Variants in RPS6KA1 observed in about 807,000 individuals in gnomAD.
RPS6KA1 encodes ribosomal protein S6 kinase alpha-1.
A neutral mutation model predicts 91.3 loss-of-function variants in RPS6KA1; 48 were observed. The ratio of observed to expected loss-of-function variants is 0.53; its 90% CI spans 0.42 to 0.67. The LOEUF is 0.67. Ranked by LOEUF, RPS6KA1 falls within the 30% of genes least tolerant of loss-of-function variation. The pLI is 0.00. For synonymous variants in RPS6KA1, 359 were observed against 384.7 expected, an observed-to-expected ratio of 0.93 and a Z score of 0.78; for missense variants, 719 against 960.5, an observed-to-expected ratio of 0.75 and a Z score of 3.32.
Position 26,555,512 on chromosome 1 carries a change from T to C in RPS6KA1, c.828-25T>C. 6.4e-7 allele frequency: 1 copy of C among 1,564,178 alleles called. No individual in the cohort carries two copies. Among genetic ancestry groups the C allele is most frequent in the Non-Finnish European group, 8.7e-7 (1 of 1,152,868 alleles). On this transcript the variant is annotated intron_variant, in intron 10 of 21. Coordinates refer to ENST00000374168, the MANE Select transcript of RPS6KA1 (RefSeq NM_002953.4). The surrounding 1 kb of genome is among the most constrained non-coding windows in gnomAD (Gnocchi z 4.3). ...GGGCCTCTGGGGCAGGGCTCAGCCT[T>C]GATGAGTCCCGGGGGCTGTTTCAGG...
At chr1:26,541,079 C>T (rs181213836) in intron 2 of RPS6KA1, among the ~76,000 whole-genome samples, 121 of 151,994 alleles carry the variant, frequency 8.0e-4, no homozygotes, top group African/African-American at 2.1e-3. Context: ...CATGAGCCAC[C>T]GCGCCCGGCC....
intron 1 of RPS6KA1, among the ~76,000 whole-genome samples, chr1:26,536,624 G>A (rs1279876691): frequency 1.3e-5 from 2 of 152,236 alleles, no homozygotes; most frequent in African/African-American, 4.8e-5. Context: ...CTCCCTGGGA[G>A]GAGGTGACAT....
chr1:26,542,984 G>A (rs1469395343), intron 2 of RPS6KA1: 25 of 626,090 alleles, frequency 4.0e-5, no homozygotes, highest in Admixed American at 3.3e-4. Context: ...ATGGGCTTGG[G>A]GTCTGCAGTG....
chr1:26,548,361 G>C (rs1440349741), intron 4 of RPS6KA1, among the ~76,000 whole-genome samples: 2 of 152,122 alleles, frequency 1.3e-5, no homozygotes, highest in African/African-American at 2.4e-5. Flanking sequence ...TCTTGTAGAG[G>C]GTGGGCCCAG....
Position 26,547,114 on chromosome 1 carries a change from C to T in RPS6KA1, c.226-75C>T. On this transcript the variant is annotated intron_variant, in intron 3 of 21. Transcript: ENST00000374168. The surrounding 1 kb of genome is among the most constrained non-coding windows in gnomAD (Gnocchi z 4.1). ...GGAGAGCAAAAAGGTCAGCTTGGGG[C>T]TCAGAGAAGATAGAGGTCAGCCTGG... 2.6e-6 allele frequency: 4 copies of T among 1,564,756 alleles called. No homozygotes were observed. The highest frequency in any genetic ancestry group is 3.5e-6 in the Non-Finnish European group (4 of 1,136,200).
At chr1:26,572,501 C>G (rs2076258008) in intron 20 of RPS6KA1, among the ~76,000 whole-genome samples, 1 of 152,016 alleles carries the variant, frequency 6.6e-6, no homozygotes, top group Non-Finnish European at 1.5e-5. Context: ...ATTCATTGGC[C>G]CTTCTCATTC....
At chr1:26,567,003 G>C (rs2076208426) in intron 17 of RPS6KA1, among the ~76,000 whole-genome samples, 5 of 150,248 alleles carry the variant, frequency 3.3e-5, no homozygotes, top group African/African-American at 7.4e-5. Flanking sequence ...GCGGGGTTCT[G>C]TGCACTTTAC....
chr1:26,567,196 A>AT (rs571284476), intron 17 of RPS6KA1, among the ~76,000 whole-genome samples: 2,422 of 148,844 alleles, frequency 0.016, 28 homozygotes, highest in Non-Finnish European at 0.023. Context: ...TAATTTTAAA[A>AT]TTTTTTTTTT....
At chr1:26,530,211 G>T (rs2075858329) in intron 1 of RPS6KA1, among the ~76,000 whole-genome samples, 1 of 152,226 alleles carries the variant, frequency 6.6e-6, no homozygotes, top group Admixed American at 6.5e-5. Context: ...CAGGAGAGGG[G>T]ATCCTATGGG....
chr1:26,560,868 C>A lies in RPS6KA1; in HGVS notation c.1341+17C>A, dbSNP rs768321789. ...GCTGTCAAGGTGGGCCTCCTGACCA[C>A]GTCTCGGCCAAGGCTGCTGGGTTGG... is the stretch of plus-strand genomic sequence containing the variant. On this transcript the variant is annotated intron_variant, in intron 15 of 21. Coordinates refer to ENST00000374168, the MANE Select transcript of RPS6KA1 (RefSeq NM_002953.4). 23 of 1,614,010 alleles carry A rather than the reference C, an allele frequency of 1.4e-5. No individual in the cohort carries two copies. In the Admixed American group the frequency reaches 2.5e-4, roughly 18 times the overall value.
In RPS6KA1 at chr1:26,561,365, TG is replaced by T; in HGVS notation, c.1432-136del. On this transcript the variant is annotated intron_variant, in intron 16 of 21. Coordinates refer to ENST00000374168, the MANE Select transcript of RPS6KA1 (RefSeq NM_002953.4). This position sits in a 1 kb window ranked among gnomAD's most constrained non-coding sequence, Gnocchi z 5.7. ...GAGACCAGTGTCAGCATCCTCCTTT[TG>T]GGGAAGGCAGGACCACTGAAGAGCA... 1.8e-6 allele frequency: 2 copies of T among 1,122,914 alleles called. No homozygotes were observed. The highest frequency in any genetic ancestry group is 2.6e-6 in the Non-Finnish European group (2 of 767,534). The allele number at this position is 1,122,914 out of a possible 1,614,324, so 69.6% of individuals were successfully genotyped here. A position where few individuals can be genotyped will look rare whatever the true frequency, so the allele number is the denominator to read the frequency against.
At chr1:26,567,100 T>G (rs1327703598) in intron 17 of RPS6KA1, among the ~76,000 whole-genome samples, 1 of 151,954 alleles carries the variant, frequency 6.6e-6, no homozygotes, top group Non-Finnish European at 1.5e-5. Context: ...CACTGCAGCC[T>G]TGACCTCCCA....
chr1:26,535,899 C>T (rs1194426051), intron 1 of RPS6KA1, among the ~76,000 whole-genome samples: 1 of 151,946 alleles, frequency 6.6e-6, no homozygotes, highest in East Asian at 1.9e-4. Flanking sequence ...ACCTGTAATC[C>T]CAGCACTTTG....
At chr1:26,530,089 G>C in intron 1 of RPS6KA1, 106 bp downstream of exon 1, 1 of 678,014 alleles carries the variant, frequency 1.5e-6, no homozygotes, top group Non-Finnish European at 2.0e-6. Context: ...CGCCCGCGAG[G>C]GCGCGAGTGC....
Position 26,551,347 on chromosome 1 carries a change from G to A in RPS6KA1, c.308-50G>A, listed in dbSNP as rs767946172. ...ATCCCTTAGCGGGGGCTTGGGAGTGGCTGTGTTGAGTGTCTAGGCTACTGG... is the reference window on the plus strand; with the variant it reads ...ATCCCTTAGCGGGGGCTTGGGAGTGACTGTGTTGAGTGTCTAGGCTACTGG... On this transcript the variant is annotated intron_variant, in intron 4 of 21. Coordinates refer to ENST00000374168, the MANE Select transcript of RPS6KA1 (RefSeq NM_002953.4). This position sits in a 1 kb window ranked among gnomAD's most constrained non-coding sequence, Gnocchi z 4.5. The A allele has an allele frequency of 1.4e-5, 21 of 1,524,040 alleles. No homozygotes were observed. Among genetic ancestry groups the A allele is most frequent in the Non-Finnish European group, 1.8e-5 (20 of 1,099,150 alleles). The allele number at this position is 1,524,040 out of a possible 1,614,324, so 94.4% of individuals were successfully genotyped here.
chr1:26,551,754 G>A lies in RPS6KA1; in HGVS notation c.468+31G>A, dbSNP rs367612909. The A allele has an allele frequency of 1.5e-4, 240 of 1,581,278 alleles. No homozygotes were observed. Among genetic ancestry groups the A allele is most frequent in the Non-Finnish European group, 1.9e-4 (218 of 1,150,278 alleles). ...CTGACATCTACTGCCAGAGGGCCCC[G>A]GGATGGAGCTGAGGGACGACAAGTC... is the stretch of plus-strand genomic sequence containing the variant. On this transcript the variant is annotated intron_variant, in intron 6 of 21. Coordinates refer to ENST00000374168, the MANE Select transcript of RPS6KA1 (RefSeq NM_002953.4). This position sits in a 1 kb window ranked among gnomAD's most constrained non-coding sequence, Gnocchi z 4.5.
chr1:26,534,148 T>C (rs925176292), intron 1 of RPS6KA1, among the ~76,000 whole-genome samples: 1 of 152,208 alleles, frequency 6.6e-6, no homozygotes, highest in Admixed American at 6.5e-5. Context: ...GACTTTGGGT[T>C]ATGGTCACAT....
At chr1:26,545,545 G>A (rs545518375) in intron 2 of RPS6KA1, among the ~76,000 whole-genome samples, 1 of 152,192 alleles carries the variant, frequency 6.6e-6, no homozygotes, top group African/African-American at 2.4e-5. Context: ...CACATATCAG[G>A]CACCTGTCTT....
In RPS6KA1 at chr1:26,554,723, C is replaced by G; in HGVS notation, c.741C>G (p.Ser247=). Residue 247 remains serine, a synonymous_variant, in exon 9 of 22, where the codon TCC becomes TCG. Transcript: ENST00000374168. This position sits in a 1 kb window ranked among gnomAD's most constrained non-coding sequence, Gnocchi z 4.6. ...QGHSHSADWW[S]YGVLMFEMLT... is the part of the protein sequence containing the mutation. ...ACTCCCATAGTGCGGACTGGTGGTC[C>G]TATGGGGTGTTGATGGTGAGTGCCC... The G allele has an allele frequency of 6.2e-7, 1 of 1,604,976 alleles. No individual in the cohort carries two copies. The highest frequency in any genetic ancestry group is 8.5e-7 in the Non-Finnish European group (1 of 1,173,064).
Sources: allele counts gnomAD v4.1 joint callset (sites outside exome capture counted in the v4.1 genomes callset), GRCh38; gene constraint gnomAD v4.1.1; non-coding constraint Gnocchi (gnomAD v3.1); transcripts MANE v1.5; gene names NCBI Gene and HGNC (gene_info 2026-07-23, HGNC 2026-07-21).